Variants in ASPH observed in about 807,000 individuals in gnomAD.
ASPH encodes the protein aspartate beta-hydroxylase.
ASPH carries 100 observed loss-of-function variants against 118.4 expected under a neutral mutation model. That is an observed-to-expected ratio of 0.84 (90% CI 0.72 to 1.00). The LOEUF (loss-of-function observed/expected upper bound fraction) is 1.00, where lower values mean the gene tolerates loss of function less well. Among genes scored for constraint, ASPH ranks in the 50% least tolerant of loss-of-function variants. The pLI, the probability that ASPH is intolerant of heterozygous loss-of-function variation, is 0.00. For synonymous variants in ASPH, 315 were observed against 325.6 expected, an observed-to-expected ratio of 0.97 and a Z score of 0.35; for missense variants, 920 against 919.5, an observed-to-expected ratio of 1.00 and a Z score of -0.01.
intron 22 of ASPH, among the ~76,000 whole-genome samples, chr8:61,520,447 T>C (rs1329288953): frequency 6.6e-6 from 1 of 152,192 alleles, no homozygotes; most frequent in Non-Finnish European, 1.5e-5. Context: ...AAAATAAGAG[T>C]TACAAAAAAC....
chr8:61,567,139 C>T, intron 17 of ASPH, 29 bp downstream of exon 17: 3 of 1,608,124 alleles, frequency 1.9e-6, no homozygotes, highest in East Asian at 2.2e-5. Context: ...ATGCCATTTC[C>T]TACTGAATTA....
intron 10 of ASPH, 31 bp downstream of exon 10, chr8:61,642,857 G>GA (rs564151536): frequency 0.18 from 155,098 of 864,902 alleles, no homozygotes; most frequent in Non-Finnish European, 0.2. Context: ...AAAAAAAAAA[G>GA]AAAAAAAAAA....
At chr8:61,625,960 AAC>A (rs1852609519) in intron 13 of ASPH, 2 of 1,139,346 alleles carry the variant, frequency 1.8e-6, no homozygotes, top group African/African-American at 1.6e-5. Flanking sequence ...CTGTCGGAAA[AAC>A]ACACATAAAT....
intron 14 of ASPH, among the ~76,000 whole-genome samples, chr8:61,600,255 A>G (rs1843594115): frequency 6.6e-6 from 1 of 152,248 alleles, no homozygotes. Flanking sequence ...CATGTATGAC[A>G]AACCCACAGC....
At chr8:61,645,860 T>C (rs969578560) in intron 6 of ASPH, among the ~76,000 whole-genome samples, 1 of 152,206 alleles carries the variant, frequency 6.6e-6, no homozygotes, top group African/African-American at 2.4e-5. Context: ...GCAAAGTAGA[T>C]AAACTACTTT....
chr8:61,665,937 T>C (rs1430683394), intron 3 of ASPH, among the ~76,000 whole-genome samples: 1 of 152,174 alleles, frequency 6.6e-6, no homozygotes, highest in Non-Finnish European at 1.5e-5. Flanking sequence ...TCACACTTTG[T>C]AACTATAATT....
chr8:61,655,208 A>G, intron 3 of ASPH, among the ~76,000 whole-genome samples: 1 of 152,202 alleles, frequency 6.6e-6, no homozygotes, highest in East Asian at 1.9e-4. Flanking sequence ...TGCTAAGTCT[A>G]AATGGCTGTG....
intron 5 of ASPH, among the ~76,000 whole-genome samples, chr8:61,647,935 C>A (rs571504222): frequency 7.8e-4 from 118 of 152,244 alleles, no homozygotes; most frequent in African/African-American, 2.8e-3. Flanking sequence ...TGTAACTTGA[C>A]CTGGCTTCCA....
At chr8:61,701,599 C>G (rs1835257454) in intron 1 of ASPH, among the ~76,000 whole-genome samples, 2 of 152,138 alleles carry the variant, frequency 1.3e-5, no homozygotes, top group South Asian at 4.1e-4. Context: ...GCCAGGCTCC[C>G]TAGGTCTCCA....
At chr8:61,642,710 T>C (rs188289201) in intron 10 of ASPH, among the ~76,000 whole-genome samples, 178 bp downstream of exon 10, 3 of 152,112 alleles carry the variant, frequency 2.0e-5, no homozygotes, top group Admixed American at 2.0e-4. Context: ...CTAAGCGTGG[T>C]GGCACATGCC....
rs1324631061 is a variant in ASPH, at chr8:61,638,323, T to C, written c.831A>G (p.Thr277=). The change falls in exon 11 of 25, where the codon ACA becomes ACG. Residue 277 remains threonine (T), a splice_region_variant and synonymous_variant. Coordinates refer to ENST00000379454, the MANE Select transcript of ASPH (RefSeq NM_004318.4). ...TATGTGCTTACAGAAAAAACTTACC[T>C]GTGATTTCTATCCCTTCATTTTCTA... ...EPLENEGIEI[T]EVTAPPEDNP... is the part of the protein sequence containing the mutation. 1 of 1,599,106 alleles carries C rather than the reference T, an allele frequency of 6.3e-7. No homozygotes were observed. Among genetic ancestry groups the C allele is most frequent in the Non-Finnish European group, 8.5e-7 (1 of 1,176,074 alleles).
At chr8:61,645,027 A>C (rs1384771213) in intron 6 of ASPH, among the ~76,000 whole-genome samples, 1 of 152,224 alleles carries the variant, frequency 6.6e-6, no homozygotes, top group Non-Finnish European at 1.5e-5. Flanking sequence ...ATGGGAACAG[A>C]GAAAAACAGC....
intron 15 of ASPH, among the ~76,000 whole-genome samples, chr8:61,577,193 G>A (rs1279584653): frequency 1.3e-5 from 2 of 151,930 alleles, no homozygotes; most frequent in East Asian, 3.9e-4. Context: ...GGGGGATGGA[G>A]GAGGGCTAGC....
chr8:61,576,710 T>C, intron 16 of ASPH, 62 bp downstream of exon 16: 1 of 1,447,802 alleles, frequency 6.9e-7, no homozygotes, highest in South Asian at 1.3e-5. Flanking sequence ...GAGTAAAAAA[T>C]TCAATCACAC....
At position 61,502,295 on chromosome 8, in the gene ASPH, C is replaced by G. The variant is rs1292498449; in HGVS notation, c.*1064G>C. ...ACCTCCTACGCCCAAGAAAAACATC[C>G]TGGCATTCTTGGTAACCTTTTACTC... On this transcript the variant is annotated 3_prime_UTR_variant, in exon 25 of 25. Coordinates refer to ENST00000379454, the MANE Select transcript of ASPH (RefSeq NM_004318.4). 6.6e-6 allele frequency: 1 copy of G among 152,170 alleles called. No individual in the cohort carries two copies. Among genetic ancestry groups the G allele is most frequent in the Non-Finnish European group, 1.5e-5 (1 of 68,038 alleles). 9.4% of individuals were successfully genotyped at this position (152,170 alleles called of 1,614,324 possible).
chr8:61,686,131 T>C (rs1830422791), intron 1 of ASPH, among the ~76,000 whole-genome samples: 1 of 152,196 alleles, frequency 6.6e-6, no homozygotes, highest in Non-Finnish European at 1.5e-5. Flanking sequence ...ATATGGTAAA[T>C]TCATAAAGTA....
At chr8:61,550,611 C>G (rs1439768352) in intron 20 of ASPH, among the ~76,000 whole-genome samples, 3 of 152,208 alleles carry the variant, frequency 2.0e-5, no homozygotes, top group Non-Finnish European at 4.4e-5. Context: ...CTGGAGCCCA[C>G]TGTCCAGTGA....
At chr8:61,626,403 G>A in intron 13 of ASPH, 4 of 1,262,556 alleles carry the variant, frequency 3.2e-6, no homozygotes, top group Non-Finnish European at 4.0e-6. Flanking sequence ...TTTGGTGTTT[G>A]TTTTTAAGGA....
chr8:61,569,868 T>A (rs1015789017), intron 16 of ASPH, among the ~76,000 whole-genome samples: 5 of 152,322 alleles, frequency 3.3e-5, no homozygotes, highest in Admixed American at 2.0e-4. Context: ...CTGATCATGA[T>A]GCTGGCATGG....
Sources: gnomAD v4.1 joint callset for allele counts (sites outside exome capture counted in the v4.1 genomes callset) on GRCh38, gnomAD v4.1.1 for gene constraint, MANE v1.5 for transcripts, NCBI Gene and HGNC (gene_info 2026-07-23, HGNC 2026-07-21) for gene names.